The following WDR41 variants were observed in gnomAD, a reference collection of about 807,000 sequenced individuals.
The protein encoded by WDR41 is WD repeat domain 41.
WDR41 carries 63 observed loss-of-function variants against 69.3 expected under a neutral mutation model. The ratio of observed to expected loss-of-function variants is 0.91; its 90% CI spans 0.74 to 1.12. WDR41 has a LOEUF of 1.12. Among genes scored for constraint, WDR41 ranks in the 50% most tolerant of loss-of-function variants. WDR41 has a pLI of 0.00. For synonymous variants in WDR41, 185 were observed against 192.1 expected (o/e 0.96, Z 0.31); for missense variants, 543 against 534.5 (o/e 1.02, Z -0.16).
intron 1 of WDR41, among the ~76,000 whole-genome samples, chr5:77,565,712 T>C (rs1448098311): frequency 2.0e-5 from 3 of 152,166 alleles, no homozygotes; most frequent in Non-Finnish European, 4.4e-5. Context: ...TAGTGTCCTC[T>C]AGCCATACTC....
intron 1 of WDR41, among the ~76,000 whole-genome samples, chr5:77,584,570 A>G (rs1257464860): frequency 6.6e-6 from 1 of 152,236 alleles, no homozygotes; most frequent in Non-Finnish European, 1.5e-5. Context: ...ACTGAAAAAT[A>G]CAAATACAGC....
chr5:77,441,786 A>G (rs535466317), intron 8 of WDR41, among the ~76,000 whole-genome samples: 128 of 152,242 alleles, frequency 8.4e-4, no homozygotes, highest in African/African-American at 2.9e-3. Context: ...AAAAGCTGGG[A>G]AAAATTTGCA....
At chr5:77,547,919 T>G (rs183814811) in intron 1 of WDR41, among the ~76,000 whole-genome samples, 3 of 152,274 alleles carry the variant, frequency 2.0e-5, no homozygotes, top group African/African-American at 7.2e-5. Context: ...AGCATGGTAC[T>G]GGTATAAAAA....
intron 1 of WDR41, among the ~76,000 whole-genome samples, chr5:77,586,244 T>C (rs1271993927): frequency 6.6e-6 from 1 of 152,122 alleles, no homozygotes; most frequent in African/African-American, 2.4e-5. Flanking sequence ...AATTGTATAG[T>C]CTGTTAATTA....
chr5:77,469,889 C>G (rs960137449), intron 2 of WDR41, among the ~76,000 whole-genome samples: 2 of 152,100 alleles, frequency 1.3e-5, no homozygotes, highest in Non-Finnish European at 2.9e-5. Context: ...TCCAATCTAG[C>G]AAGGCAGGCC....
At chr5:77,545,320 A>G (rs1743172246) in intron 1 of WDR41, 1 of 153,158 alleles carries the variant, frequency 6.5e-6, no homozygotes. Context: ...AGATCAAAGC[A>G]GAACTAAATG....
chr5:77,602,392 G>C (rs1345199787), intron 1 of WDR41, among the ~76,000 whole-genome samples: 1 of 151,916 alleles, frequency 6.6e-6, no homozygotes, highest in Admixed American at 6.6e-5. Flanking sequence ...CACCTGCCTC[G>C]GCCTCCCAAA....
At chr5:77,482,719 T>C (rs549544447) in intron 2 of WDR41, among the ~76,000 whole-genome samples, 2 of 152,222 alleles carry the variant, frequency 1.3e-5, no homozygotes, top group South Asian at 4.1e-4. Context: ...ATTTAGGCCA[T>C]CTAAATTCAT....
intron 1 of WDR41, among the ~76,000 whole-genome samples, chr5:77,524,076 A>G (rs908880102): frequency 2.1e-4 from 32 of 152,362 alleles, no homozygotes; most frequent in Admixed American, 2.1e-3. Flanking sequence ...CTAAAACAAC[A>G]GTGTTCATGT....
chr5:77,472,542 A>C (rs1188333847), intron 2 of WDR41, among the ~76,000 whole-genome samples: 1 of 152,094 alleles, frequency 6.6e-6, no homozygotes, highest in African/African-American at 2.4e-5. Context: ...CTCAGCCCAA[A>C]ACCTCCTTAA....
chr5:77,491,174 C>A, intron 1 of WDR41: 1 of 411,282 alleles, frequency 2.4e-6, no homozygotes, highest in Non-Finnish European at 4.9e-6. Flanking sequence ...CCGGTCCTCG[C>A]CTTAAGTGAT....
chr5:77,456,607 T>G (rs759024381), intron 5 of WDR41, among the ~76,000 whole-genome samples: 1 of 152,236 alleles, frequency 6.6e-6, no homozygotes, highest in Non-Finnish European at 1.5e-5. Flanking sequence ...GAACCTCCAG[T>G]ACAATGTTAA....
At position 77,598,644 on chromosome 5, in the gene WDR41, C is replaced by CTTTTTTT. The variant is rs765785617; in HGVS notation, c.42+21828_42+21834dup. On this transcript the variant is annotated intron_variant, in intron 1 of 5. Coordinates refer to the WDR41 transcript ENST00000509971. Reference sequence around the variant, plus strand: ...GAAGTTATGTGAATCAGTAAGTTTCCTTTTTTTTTTTGTTTTTTTTGTAGC... The same window carrying CTTTTTTT: ...GAAGTTATGTGAATCAGTAAGTTTCCTTTTTTTTTTTTTTTTTTGTTTTTTTTGTAGC... 2.5e-5 allele frequency among the ~76,000 whole-genome samples: 3 copies of CTTTTTTT among 121,358 alleles called. 1 individual carries two copies. Among genetic ancestry groups the CTTTTTTT allele is most frequent in the Non-Finnish European group, 3.5e-5 (2 of 57,108 alleles). The allele number at this position is 121,358 out of a possible 152,430, so 79.6% of individuals were successfully genotyped here.
At chr5:77,607,387 C>T (rs942598484) in intron 1 of WDR41, among the ~76,000 whole-genome samples, 9 of 152,140 alleles carry the variant, frequency 5.9e-5, no homozygotes, top group African/African-American at 2.2e-4. Context: ...ATATTTTAAG[C>T]CTGGTAGCTA....
intron 1 of WDR41, among the ~76,000 whole-genome samples, chr5:77,571,823 A>G (rs1743738918): frequency 6.6e-6 from 1 of 152,120 alleles, no homozygotes. Context: ...TTTATTCAAA[A>G]CCTGAATTCT....
chr5:77,502,995 G>C (rs1802043575), intron 1 of WDR41, among the ~76,000 whole-genome samples: 1 of 151,994 alleles, frequency 6.6e-6, no homozygotes, highest in South Asian at 2.1e-4. Flanking sequence ...CATAATGATG[G>C]ATCATATTCA....
At chr5:77,566,509 A>G (rs962224803) in intron 1 of WDR41, among the ~76,000 whole-genome samples, 5 of 152,142 alleles carry the variant, frequency 3.3e-5, no homozygotes, top group Non-Finnish European at 7.3e-5. Flanking sequence ...TCCATTCTGA[A>G]GGCTATTAAA....
Position 77,566,377 on chromosome 5 carries a change from T to C in WDR41, c.42+54102A>G, listed in dbSNP as rs145682336. On this transcript the variant is annotated intron_variant, in intron 1 of 5. Transcript: ENST00000509971. The stretch of plus-strand genomic sequence containing the variant: ...TTAGGTCTCCCTGGGTCTCTATTTA[T>C]ATTGATACTACATAACCTTTTAGAT... Among the ~76,000 whole-genome samples, 402 of 152,278 alleles carry C rather than the reference T, an allele frequency of 2.6e-3. 1 individual carries two copies. The highest frequency in any genetic ancestry group is 4.4e-3 in the Non-Finnish European group (302 of 68,000).
chr5:77,514,023 A>G (rs1802250403), intron 1 of WDR41, among the ~76,000 whole-genome samples: 1 of 152,178 alleles, frequency 6.6e-6, no homozygotes, highest in African/African-American at 2.4e-5. Flanking sequence ...ACTTCCCTAC[A>G]TGTGTTATGC....
Sources: gnomAD v4.1 joint callset for allele counts (sites outside exome capture counted in the v4.1 genomes callset) on GRCh38, gnomAD v4.1.1 for gene constraint, MANE v1.5 for transcripts, NCBI Gene and HGNC (gene_info 2026-07-23, HGNC 2026-07-21) for gene names.